The following NHS variants were observed in gnomAD, a reference collection of about 807,000 sequenced individuals.
NHS encodes actin remodeling regulator NHS.
NHS carries 5 observed loss-of-function variants against 72.5 expected under a neutral mutation model. The observed-to-expected ratio is 0.07, with a 90% CI of 0.04 to 0.14. The LOEUF (loss-of-function observed/expected upper bound fraction) is 0.14, where lower values mean the gene tolerates loss of function less well. Among genes scored for constraint, NHS ranks in the 10% least tolerant of loss-of-function variants. NHS has a pLI of 1.00. For synonymous variants in NHS, 464 were observed against 547.7 expected (o/e 0.85, Z 2.13); for missense variants, 1,072 against 1,355.7 (o/e 0.79, Z 3.29).
Position 17,556,411 on chromosome X carries a change from T to TATAG in NHS, c.566-131329_566-131326dup, listed in dbSNP as rs756804306. 2.7e-5 allele frequency among the ~76,000 whole-genome samples: 3 copies of TATAG among 113,055 alleles called. No individual in the cohort carries two copies. In the South Asian group the frequency reaches 1.1e-3, roughly 41 times the overall value. ...AATGGCCATGCCAGGAGGGCTCCTC[T>TATAG]ATAGAGCCTTAGTGTGGAAAAGGGT... On this transcript the variant is annotated intron_variant, in intron 1 of 8. Transcript: ENST00000676302.
chrX:17,617,888 C>T (rs1415910620), intron 1 of NHS, among the ~76,000 whole-genome samples: 3 of 112,037 alleles, frequency 2.7e-5, no homozygotes, highest in East Asian at 5.6e-4. Context: ...ATGAAAATGG[C>T]AAATTTCTCC....
At chrX:17,390,684 T>C (rs2064440564) in intron 1 of NHS, among the ~76,000 whole-genome samples, 1 of 112,064 alleles carries the variant, frequency 8.9e-6, no homozygotes, top group Non-Finnish European at 1.9e-5. Flanking sequence ...AGAAAAGAGA[T>C]GTTGGAACCC....
intron 1 of NHS, among the ~76,000 whole-genome samples, chrX:17,535,696 A>G (rs967125809): frequency 2.7e-5 from 3 of 111,124 alleles, no homozygotes; most frequent in African/African-American, 9.9e-5. Context: ...ATTTTGCCTC[A>G]GCCCCCCAAG....
rs1192409379 is a variant in NHS at position 17,414,981 on chromosome X, A to T, written c.565+38659A>T. Among the ~76,000 whole-genome samples the T allele has an allele frequency of 8.1e-5, 9 of 111,355 alleles. No homozygotes were observed. The Admixed American group carries it at 8.6e-4, about 11-fold the overall frequency. ...TCTCTGTTGCCCTTGGCAACACTGC[A>T]TGGGGGCGGGGGTTGGCTGGTATCT... On this transcript the variant is annotated intron_variant, in intron 1 of 8. Coordinates refer to ENST00000676302, the MANE Select transcript of NHS (RefSeq NM_001291867.2).
intron 1 of NHS, among the ~76,000 whole-genome samples, chrX:17,511,814 C>T (rs1026542909): frequency 2.7e-5 from 3 of 109,835 alleles, no homozygotes; most frequent in African/African-American, 1.0e-4. Context: ...ATCTCATTGC[C>T]TTCCTGGGGA....
chrX:17,658,637 T>C (rs1442846505), intron 1 of NHS, among the ~76,000 whole-genome samples: 1 of 111,948 alleles, frequency 8.9e-6, no homozygotes, highest in Non-Finnish European at 1.9e-5. Flanking sequence ...ATTTCCACCA[T>C]CTTTGTGTTC....
intron 1 of NHS, among the ~76,000 whole-genome samples, chrX:17,654,367 C>T (rs1315057167): frequency 8.9e-6 from 1 of 112,089 alleles, no homozygotes; most frequent in Non-Finnish European, 1.9e-5. Context: ...CTCTGTCTTC[C>T]GGGGGACTTC....
intron 1 of NHS, among the ~76,000 whole-genome samples, chrX:17,427,416 A>G: frequency 8.9e-6 from 1 of 112,434 alleles, no homozygotes; most frequent in Non-Finnish European, 1.9e-5. Flanking sequence ...GACATGCACC[A>G]ACTCATGCCG....
chrX:17,715,552 T>C (rs187287098), intron 3 of NHS, among the ~76,000 whole-genome samples: 1 of 112,758 alleles, frequency 8.9e-6, no homozygotes, highest in Non-Finnish European at 1.9e-5. Flanking sequence ...GGTAGTGGGA[T>C]TGCTAGATCA....
At chrX:17,596,588 A>G (rs1427143584) in intron 1 of NHS, among the ~76,000 whole-genome samples, 1 of 112,151 alleles carries the variant, frequency 8.9e-6, no homozygotes, top group Non-Finnish European at 1.9e-5. Flanking sequence ...TTCATGCTCC[A>G]GGTTTGGCCT....
intron 3 of NHS, among the ~76,000 whole-genome samples, chrX:17,704,278 TA>T (rs1169062915): frequency 7.4e-5 from 8 of 107,547 alleles, no homozygotes; most frequent in Non-Finnish European, 1.2e-4. Context: ...ACTCTATCTC[TA>T]AAAAAAATTT....
chrX:17,537,851 C>A (rs921759107), intron 1 of NHS, among the ~76,000 whole-genome samples: 1 of 111,883 alleles, frequency 8.9e-6, no homozygotes, highest in Non-Finnish European at 1.9e-5. Flanking sequence ...CAATGCCCGA[C>A]TGGAGGCTGG....
At chrX:17,462,680 A>G (rs957443063) in intron 1 of NHS, among the ~76,000 whole-genome samples, 1 of 112,135 alleles carries the variant, frequency 8.9e-6, no homozygotes, top group Non-Finnish European at 1.9e-5. Flanking sequence ...CCAAAGCTCC[A>G]AGAAGTAAGT....
chrX:17,706,024 C>CA (rs1033523145), intron 3 of NHS, among the ~76,000 whole-genome samples: 7 of 110,122 alleles, frequency 6.4e-5, no homozygotes, highest in Admixed American at 5.8e-4. Context: ...CCTCACTCTA[C>CA]AAAAAAAAAT....
chrX:17,577,505 C>T (rs1761409746), intron 1 of NHS, among the ~76,000 whole-genome samples: 1 of 111,341 alleles, frequency 9.0e-6, no homozygotes, highest in African/African-American at 3.3e-5. Context: ...TGTCTTACAC[C>T]AGGCTTAGAG....
At chrX:17,630,329 G>T (rs747306642) in intron 1 of NHS, among the ~76,000 whole-genome samples, 3 of 107,013 alleles carry the variant, frequency 2.8e-5, no homozygotes, top group Non-Finnish European at 5.8e-5. Context: ...TGTAAAAGGG[G>T]ACCTTGGGCC....
chrX:17,672,640 T>C lies in NHS; in HGVS notation c.566-15102T>C, dbSNP rs1201241586. Among the ~76,000 whole-genome samples, 3 of 112,540 alleles carry C rather than the reference T, an allele frequency of 2.7e-5. No homozygotes were observed. In the Admixed American group the frequency reaches 2.8e-4, roughly 11 times the overall value. ...TCTCTGATGCCTACACTTGAGAATCTCAGGCCTTCCTGGTCAGTAGGTCGC... is the reference window on the plus strand; with the variant it reads ...TCTCTGATGCCTACACTTGAGAATCCCAGGCCTTCCTGGTCAGTAGGTCGC... On this transcript the variant is annotated intron_variant, in intron 1 of 8. Coordinates refer to ENST00000676302, the MANE Select transcript of NHS (RefSeq NM_001291867.2).
At chrX:17,466,866 G>T (rs763645170) in intron 1 of NHS, among the ~76,000 whole-genome samples, 3 of 112,040 alleles carry the variant, frequency 2.7e-5, no homozygotes, top group Non-Finnish European at 3.8e-5. Context: ...TCTCTTTGCA[G>T]GTTCCTTTCA....
intron 1 of NHS, among the ~76,000 whole-genome samples, chrX:17,516,943 C>T (rs1378449499): frequency 1.8e-5 from 2 of 112,461 alleles, no homozygotes; most frequent in Non-Finnish European, 3.8e-5. Flanking sequence ...ATCAGCTCAA[C>T]TCAGAAGCAT....
Sources: allele counts gnomAD v4.1 joint callset (sites outside exome capture counted in the v4.1 genomes callset), GRCh38; gene constraint gnomAD v4.1.1; transcripts MANE v1.5; gene names NCBI Gene and HGNC (gene_info 2026-07-23, HGNC 2026-07-21).